Variants in SHOX observed in about 807,000 individuals in gnomAD.
SHOX encodes short stature homeobox protein.
SHOX carries 12 observed loss-of-function variants against 29.6 expected under a neutral mutation model. That is an observed-to-expected ratio of 0.41 (90% CI 0.26 to 0.66). SHOX has a LOEUF of 0.66. SHOX is among the 30% of genes least tolerant of loss of function. The probability of loss-of-function intolerance (pLI) is 0.35; values close to 1 mark genes in which losing one functional copy is unlikely to be tolerated. For synonymous variants in SHOX, 214 were observed against 200.6 expected, an observed-to-expected ratio of 1.07 and a Z score of -0.57; for missense variants, 499 against 437.7, an observed-to-expected ratio of 1.14 and a Z score of -1.25.
chrX:634,866 C>T (rs956245069), intron 2 of SHOX, 40 bp downstream of exon 2: 5 of 1,540,060 alleles, frequency 3.2e-6, no homozygotes, highest in African/African-American at 1.4e-5. Context: ...CCGGAGCCAT[C>T]GCCTGGTCCT....
At position 624,922 on chromosome X, in the gene SHOX, CT is replaced by C. The variant is rs201836063; in HGVS notation, c.-433+323del. 2.2e-3 allele frequency among the ~76,000 whole-genome samples: 219 copies of C among 99,162 alleles called. 9 individuals are homozygous for C. Among genetic ancestry groups the C allele is most frequent in the African/African-American group, 9.4e-3 (205 of 21,834 alleles). The allele number at this position is 99,162 out of a possible 152,430, so 65.1% of individuals were successfully genotyped here. A position where few individuals can be genotyped will look rare whatever the true frequency, so the allele number is the denominator to read the frequency against. On this transcript the variant is annotated intron_variant, in intron 1 of 5. Transcript: ENST00000334060. ...TCTTTCTCTCTTCCTTTCTTTCTTT[CT>C]TTCTTTCTTTTCTTTCTTTCACTTG...
chrX:645,540 T>C lies in SHOX; in HGVS notation c.*904T>C, dbSNP rs1238206676. The C allele has an allele frequency of 6.6e-6, 1 of 150,814 alleles. No homozygotes were observed. The highest frequency in any genetic ancestry group is 6.6e-5 in the Admixed American group (1 of 15,130). The allele number at this position is 150,814 out of a possible 1,614,324, so 9.3% of individuals were successfully genotyped here. On this transcript the variant is annotated 3_prime_UTR_variant, in exon 5 of 5. Coordinates refer to ENST00000686671, the MANE Select transcript of SHOX (RefSeq NM_000451.4). ...TGACATGGAGTGAAGTGCAATATTA[T>C]AAATATTATAGATTAAAAAAAAAAT...
At chrX:640,450 C>G (rs2052832480) in intron 2 of SHOX, among the ~76,000 whole-genome samples, 1 of 151,884 alleles carries the variant, frequency 6.6e-6, no homozygotes, top group African/African-American at 2.4e-5. Context: ...GTGGTGGGCA[C>G]CTGTAGTCCC....
At chrX:635,580 G>T (rs1374332760) in intron 2 of SHOX, among the ~76,000 whole-genome samples, 3 of 152,210 alleles carry the variant, frequency 2.0e-5, no homozygotes, top group African/African-American at 2.4e-5. Context: ...TATTAGCGGG[G>T]CACGGGGGCT....
chrX:655,917 G>C (rs1371705383), downstream of SHOX, among the ~76,000 whole-genome samples: 1 of 151,354 alleles, frequency 6.6e-6, no homozygotes, highest in Non-Finnish European at 1.5e-5. Flanking sequence ...GCTCACGCTT[G>C]TTGTAATCTC....
chrX:624,810 C>G (rs2052477916), intron 1 of SHOX, among the ~76,000 whole-genome samples: 1 of 145,452 alleles, frequency 6.9e-6, no homozygotes, highest in South Asian at 2.2e-4. Context: ...GCTTTGCCTT[C>G]TTTCCTTCCT....
upstream of SHOX, chrX:630,429 A>G (rs1426542641): frequency 1.8e-5 from 3 of 170,612 alleles, no homozygotes; most frequent in Admixed American, 5.9e-5. Context: ...TCCTCTCTCC[A>G]GCCGTGAACT....
chrX:630,924 C>T lies in SHOX; in HGVS notation c.27C>T (p.Ser9=). 6.2e-7 allele frequency: 1 copy of T among 1,613,724 alleles called. No homozygotes were observed. Among genetic ancestry groups the T allele is most frequent in the Non-Finnish European group, 8.5e-7 (1 of 1,179,842 alleles). Residue 9 remains serine, a synonymous_variant, in exon 1 of 5, where the codon TCC becomes TCT. Transcript: ENST00000686671. The part of the protein sequence containing the change: MEELTAFV[S]KSFDQKSKDG... ...TGGAAGAGCTCACGGCTTTTGTATC[C>T]AAGTCTTTTGACCAGAAAAGCAAGG...
chrX:652,490 G>C (rs1242267368), downstream of SHOX, among the ~76,000 whole-genome samples: 1 of 151,916 alleles, frequency 6.6e-6, no homozygotes, highest in Non-Finnish European at 1.5e-5. Context: ...TGCCCACACA[G>C]GGTTCCCACC....
rs1165797666 is a variant in SHOX at position 650,810 on chromosome X, A to ACAAAAAAC, written c.*6174_*6175insCAAAAAAC. ...TTGACATTAAAAAAAAAAAAAAAAA[A>ACAAAAAAC]AAAAAAAAACTGGTGCCTAATTTAT... is the stretch of plus-strand genomic sequence containing the variant. On this transcript the variant is annotated 3_prime_UTR_variant, in exon 5 of 5. Transcript: ENST00000686671. Among the ~76,000 whole-genome samples the ACAAAAAAC allele has an allele frequency of 1.3e-5, 2 of 150,096 alleles. No homozygotes were observed. The highest frequency in any genetic ancestry group is 4.9e-5 in the African/African-American group (2 of 40,834).
Position 641,044 on chromosome X carries a change from C to A in SHOX, c.590C>A (p.Ala197Glu). The A allele has an allele frequency of 1.9e-6, 3 of 1,613,862 alleles. No individual in the cohort carries two copies. The highest frequency in any genetic ancestry group is 2.5e-6 in the Non-Finnish European group (3 of 1,179,852). Residue 197 changes from alanine to glutamate, a missense_variant, in exon 4 of 5, where the codon GCA (alanine) becomes GAA (glutamate). Ala to Glu is a moderately radical substitution (Grantham distance 107). Coordinates refer to ENST00000686671, the MANE Select transcript of SHOX (RefSeq NM_000451.4). ...AACCACCTAGACGCCTGCCGAGTGGCACCCTACGTCAACATGGGAGCCTTA... is the reference window on the plus strand; with the variant it reads ...AACCACCTAGACGCCTGCCGAGTGGAACCCTACGTCAACATGGGAGCCTTA... ...TANHLDACRV[A>E]PYVNMGALRM...
chrX:644,527 C>A lies in SHOX; in HGVS notation c.770C>A (p.Ala257Asp). 2 of 1,518,628 alleles carry A rather than the reference C, an allele frequency of 1.3e-6. No individual in the cohort carries two copies. Among genetic ancestry groups the A allele is most frequent in the Non-Finnish European group, 1.8e-6 (2 of 1,139,920 alleles). The allele number at this position is 1,518,628 out of a possible 1,614,324, so 94.1% of individuals were successfully genotyped here. ...GLPIASLAES[A>D]SAAAVVAAAA... The stretch of plus-strand genomic sequence containing the variant: ...CCCATCGCGTCGCTGGCCGAGTCCG[C>A]CTCGGCCGCCGCCGTGGTCGCCGCC... The change falls in exon 5 of 5, where the codon GCC becomes GAC. Residue 257 changes from alanine to aspartate, a missense_variant. Coordinates refer to ENST00000686671, the MANE Select transcript of SHOX (RefSeq NM_000451.4).
intron 5 of SHOX, among the ~76,000 whole-genome samples, chrX:656,916 A>C (rs1482091793): frequency 4.7e-5 from 4 of 84,656 alleles, no homozygotes; most frequent in Non-Finnish European, 7.1e-5. Flanking sequence ...ACAGAGCAAG[A>C]CTCCGTCTCA....
chrX:632,436 T>C (rs2052667186), intron 1 of SHOX, among the ~76,000 whole-genome samples: 1 of 152,208 alleles, frequency 6.6e-6, no homozygotes, highest in Non-Finnish European at 1.5e-5. Context: ...TATGGACGCC[T>C]GTTATGTTTT....
In SHOX at chrX:644,472, C is replaced by G; in HGVS notation, c.715C>G (p.Leu239Val). Reference sequence around the variant, plus strand: ...GCACCTGGCGGCGCACGCGCCCTACCTGATGTTCCCCCCGCCGCCCTTCGG... The same window carrying G: ...GCACCTGGCGGCGCACGCGCCCTACGTGATGTTCCCCCCGCCGCCCTTCGG... ...HPHLAAHAPYLMFPPPPFGLP... is the reference protein window; with the variant it reads ...HPHLAAHAPYVMFPPPPFGLP... Residue 239 changes from leucine (L) to valine (V), a missense_variant, in exon 5 of 5, where the codon CTG becomes GTG. Transcript: ENST00000686671. 6.6e-7 allele frequency: 1 copy of G among 1,524,694 alleles called. No individual in the cohort carries two copies. The highest frequency in any genetic ancestry group is 1.2e-5 in the South Asian group (1 of 82,442). 94.4% of individuals were successfully genotyped at this position (1,524,694 alleles called of 1,614,324 possible). A position where few individuals can be genotyped will look rare whatever the true frequency, so the allele number is the denominator to read the frequency against.
chrX:657,097 A>AG (rs1225395314), intron 5 of SHOX, among the ~76,000 whole-genome samples: 1 of 124,004 alleles, frequency 8.1e-6, no homozygotes, highest in Non-Finnish European at 1.8e-5. Context: ...AAAAAAAAAA[A>AG]TGCTGCCCAA....
upstream of SHOX, among the ~76,000 whole-genome samples, chrX:627,469 T>A (rs945613978): frequency 6.6e-6 from 1 of 152,082 alleles, no homozygotes; most frequent in Non-Finnish European, 1.5e-5. Context: ...ACAGGAAGAG[T>A]TGGAGTTTTA....
In SHOX at chrX:651,370, C is replaced by T. The variant is rs1007918612; in HGVS notation, c.*6734C>T. 13 of 454,116 alleles carry T rather than the reference C, an allele frequency of 2.9e-5. No homozygotes were observed. The highest frequency in any genetic ancestry group is 7.0e-5 in the East Asian group (1 of 14,332). 28.1% of individuals were successfully genotyped at this position (454,116 alleles called of 1,614,324 possible). ...CACATTTCTATCCCTCTGTTATTGT[C>T]GGCAGGCGGTGAGGGGTAGAAAAAA... On this transcript the variant is annotated 3_prime_UTR_variant, in exon 5 of 5. Coordinates refer to ENST00000686671, the MANE Select transcript of SHOX (RefSeq NM_000451.4).
chrX:644,314 G>C (rs1328437859), intron 4 of SHOX, 77 bp from the exon 5 acceptor site: 1 of 1,439,714 alleles, frequency 6.9e-7, no homozygotes, highest in Non-Finnish European at 9.1e-7. Context: ...CACGTTGGAG[G>C]TTTCCGGGGG....
Sources: allele counts gnomAD v4.1 joint callset (sites outside exome capture counted in the v4.1 genomes callset), GRCh38; gene constraint gnomAD v4.1.1; transcripts MANE v1.5; gene names NCBI Gene and HGNC (gene_info 2026-07-23, HGNC 2026-07-21).